Variants in GRIA2 observed in about 807,000 individuals in gnomAD.
GRIA2 encodes the protein glutamate receptor 2.
A neutral mutation model predicts 97.3 loss-of-function variants in GRIA2; 14 were observed. That is an observed-to-expected ratio of 0.14 (90% confidence interval 0.10 to 0.23). GRIA2 has a LOEUF of 0.23. Ranked by LOEUF, GRIA2 falls within the 10% of genes least tolerant of loss-of-function variation. The probability of loss-of-function intolerance (pLI) is 1.00; values close to 1 mark genes in which losing one functional copy is unlikely to be tolerated. For synonymous variants in GRIA2, 412 were observed against 387.8 expected (o/e 1.06, Z -0.73); for missense variants, 558 against 1,069.8 (o/e 0.52, Z 6.67).
intron 12 of GRIA2, among the ~76,000 whole-genome samples, chr4:157,352,703 G>A (rs1736063792): frequency 2.4e-5 from 3 of 125,726 alleles, no homozygotes; most frequent in Non-Finnish European, 4.7e-5. Context: ...CTAGGCGACA[G>A]AGTAAGACTC....
intron 12 of GRIA2, among the ~76,000 whole-genome samples, chr4:157,357,767 C>T (rs190477170): frequency 1.6e-3 from 244 of 152,056 alleles, no homozygotes; most frequent in Non-Finnish European, 2.9e-3. Flanking sequence ...ACAGCTGAGA[C>T]GAAAGTAGCT....
intron 2 of GRIA2, among the ~76,000 whole-genome samples, chr4:157,248,805 TATATATATAA>T (rs1001576872): frequency 1.6e-5 from 2 of 127,114 alleles, no homozygotes; most frequent in African/African-American, 5.9e-5. Context: ...TATATATATA[TATATATATAA>T]ATAAAATAAT....
intron 3 of GRIA2, among the ~76,000 whole-genome samples, chr4:157,311,162 C>T (rs1168860945): frequency 6.6e-6 from 1 of 151,906 alleles, no homozygotes; most frequent in East Asian, 1.9e-4. Flanking sequence ...GAAAGTGGTT[C>T]ATATAGGAAA....
At chr4:157,223,867 T>C (rs1729621742) in intron 2 of GRIA2, among the ~76,000 whole-genome samples, 1 of 152,184 alleles carries the variant, frequency 6.6e-6, no homozygotes, top group Admixed American at 6.5e-5. Context: ...TTTCAACAAA[T>C]GCTAAACTAC....
intron 2 of GRIA2, among the ~76,000 whole-genome samples, chr4:157,237,928 T>G (rs549809220): frequency 6.6e-6 from 1 of 152,288 alleles, no homozygotes; most frequent in Admixed American, 6.5e-5. Flanking sequence ...AGTAATGGGT[T>G]ACGATTATGT....
rs191963119 is a variant in GRIA2, at chr4:157,241,658, G to A, written c.229+19851G>A. On this transcript the variant is annotated intron_variant, in intron 2 of 15. Transcript: ENST00000264426. ...AAAATAGATTAGATAGCGTTCATCT[G>A]TTTGGCTGTGTAGAACATCTATCCA... Among the ~76,000 whole-genome samples, 367 of 152,104 alleles carry A rather than the reference G, an allele frequency of 2.4e-3. 4 individuals carry two copies. The highest frequency in any genetic ancestry group is 8.3e-3 in the African/African-American group (344 of 41,520).
intron 5 of GRIA2, among the ~76,000 whole-genome samples, 168 bp from the exon 6 acceptor site, chr4:157,321,270 G>A (rs192242417): frequency 6.6e-6 from 1 of 152,270 alleles, no homozygotes; most frequent in African/African-American, 2.4e-5. Flanking sequence ...GTTAGGTGCT[G>A]ATGAAGAACA....
At position 157,363,620 on chromosome 4, in the gene GRIA2, G is replaced by A; in HGVS notation, c.*189G>A. The A allele has an allele frequency of 8.2e-7, 1 of 1,214,090 alleles. No homozygotes were observed. The highest frequency in any genetic ancestry group is 1.0e-6 in the Non-Finnish European group (1 of 969,866). The allele number at this position is 1,214,090 out of a possible 1,614,324, so 75.2% of individuals were successfully genotyped here. ...CGTGATTGATAAGAACCTTTTGAGT[G>A]CCTTACACAATGGTTTTCTTGTGTG... is the stretch of plus-strand genomic sequence containing the variant. On this transcript the variant is annotated 3_prime_UTR_variant, in exon 16 of 16. Transcript: ENST00000264426.
intron 10 of GRIA2, among the ~76,000 whole-genome samples, chr4:157,336,102 G>T (rs1224911182): frequency 6.6e-6 from 1 of 152,030 alleles, no homozygotes; most frequent in Non-Finnish European, 1.5e-5. Flanking sequence ...AAGCATATGG[G>T]CCATATGTAT....
At chr4:157,278,861 A>G (rs1303158976) in intron 2 of GRIA2, among the ~76,000 whole-genome samples, 2 of 152,092 alleles carry the variant, frequency 1.3e-5, no homozygotes, top group Non-Finnish European at 2.9e-5. Context: ...TATACTGCAA[A>G]TAAGCATATA....
At chr4:157,305,437 G>A (rs1733801786) in intron 3 of GRIA2, among the ~76,000 whole-genome samples, 1 of 151,720 alleles carries the variant, frequency 6.6e-6, no homozygotes, top group Non-Finnish European at 1.5e-5. Flanking sequence ...ATTTTTTTTG[G>A]ACTGCATTAC....
rs1736847298 is a variant in GRIA2 at position 157,365,532 on chromosome 4, T to C, written c.*2101T>C. 1 of 152,028 alleles carries C rather than the reference T, an allele frequency of 6.6e-6. No homozygotes were observed. The highest frequency in any genetic ancestry group is 6.6e-5 in the Admixed American group (1 of 15,174). The allele number at this position is 152,028 out of a possible 1,614,324, so 9.4% of individuals were successfully genotyped here. A position where few individuals can be genotyped will look rare whatever the true frequency, so the allele number is the denominator to read the frequency against. On this transcript the variant is annotated 3_prime_UTR_variant, in exon 16 of 16. Coordinates refer to ENST00000264426, the MANE Select transcript of GRIA2 (RefSeq NM_001083619.3). ...AAATAATTGAAATAATGTAAAGTTA[T>C]ATTTTCATGTTTTTATAGATACAAC...
chr4:157,301,195 G>A (rs1402303298), intron 2 of GRIA2, among the ~76,000 whole-genome samples: 1 of 152,140 alleles, frequency 6.6e-6, no homozygotes, highest in Non-Finnish European at 1.5e-5. Context: ...TAAGATTTAA[G>A]ATATACCTGT....
At chr4:157,273,839 G>A (rs1027763548) in intron 2 of GRIA2, among the ~76,000 whole-genome samples, 1 of 152,010 alleles carries the variant, frequency 6.6e-6, no homozygotes, top group African/African-American at 2.4e-5. Flanking sequence ...AACAGTTAGT[G>A]TCAGACATTA....
At chr4:157,312,903 G>C in intron 4 of GRIA2, 28 bp downstream of exon 4, 1 of 1,323,594 alleles carries the variant, frequency 7.6e-7, no homozygotes, top group Non-Finnish European at 1.1e-6. Context: ...TTCTAATGAT[G>C]CCAGATATAG....
In GRIA2 at chr4:157,335,789, A is replaced by T; in HGVS notation, c.1385A>T (p.Lys462Met). 1 of 1,613,034 alleles carries T rather than the reference A, an allele frequency of 6.2e-7. No individual in the cohort carries two copies. The highest frequency in any genetic ancestry group is 1.1e-5 in the South Asian group (1 of 91,068). The change falls in exon 10 of 16, where the codon AAG (lysine) becomes ATG (methionine). Residue 462 changes from lysine (K) to methionine (M), a missense_variant. Physicochemically the swap from Lys to Met is moderately conservative, Grantham distance 95. Coordinates refer to ENST00000264426, the MANE Select transcript of GRIA2 (RefSeq NM_001083619.3). ...EIAKHCGFKYKLTIVGDGKYG... is the reference protein window; with the variant it reads ...EIAKHCGFKYMLTIVGDGKYG... ...GCCAAACATTGTGGGTTCAAGTACA[A>T]GTTGACAATTGTTGGTGATGGCAAG...
chr4:157,342,924 A>G (rs1178587843), intron 12 of GRIA2, among the ~76,000 whole-genome samples: 1 of 152,114 alleles, frequency 6.6e-6, no homozygotes, highest in East Asian at 1.9e-4. Flanking sequence ...TCACTACTAC[A>G]CATTCACATT....
chr4:157,221,816 T>C lies in GRIA2; in HGVS notation c.229+9T>C, dbSNP rs747246147. The C allele has an allele frequency of 5.0e-6, 8 of 1,613,258 alleles. No individual in the cohort carries two copies. The highest frequency in any genetic ancestry group is 3.4e-6 in the Non-Finnish European group (4 of 1,179,312). On this transcript the variant is annotated intron_variant, in intron 2 of 15. Coordinates refer to ENST00000264426, the MANE Select transcript of GRIA2 (RefSeq NM_001083619.3). Reference sequence around the variant, plus strand: ...CGCAGTCACTAATGCTTGTAAGTAATGAATATTCATGCCTTTCGGGTGCTG... The same window carrying C: ...CGCAGTCACTAATGCTTGTAAGTAACGAATATTCATGCCTTTCGGGTGCTG...
intron 2 of GRIA2, among the ~76,000 whole-genome samples, chr4:157,242,401 C>T (rs951485219): frequency 1.3e-5 from 2 of 151,850 alleles, no homozygotes; most frequent in African/African-American, 2.4e-5. Context: ...TTTGTTGCCT[C>T]GGAAAATAAA....
Sources: allele counts gnomAD v4.1 joint callset (sites outside exome capture counted in the v4.1 genomes callset), GRCh38; gene constraint gnomAD v4.1.1; transcripts MANE v1.5; gene names NCBI Gene and HGNC (gene_info 2026-07-23, HGNC 2026-07-21).